The following SCAF8 variants were observed in gnomAD, a reference collection of about 807,000 sequenced individuals.
SCAF8 encodes SR-related CTD associated factor 8.
In SCAF8, 23 loss-of-function variants were observed where a neutral mutation model predicts 140.5. That is an observed-to-expected ratio of 0.16 (90% confidence interval 0.12 to 0.23). The LOEUF is 0.23. SCAF8 is among the 10% of genes least tolerant of loss of function. The pLI is 1.00. For missense variants in SCAF8, 1,397 were observed against 1,555.7 expected, an observed-to-expected ratio of 0.90 and a Z score of 1.72; for synonymous variants, 575 against 528.9, an observed-to-expected ratio of 1.09 and a Z score of -1.20.
intron 9 of SCAF8, among the ~76,000 whole-genome samples, chr6:154,807,268 C>T (rs1456778906): frequency 6.6e-6 from 1 of 152,114 alleles, no homozygotes; most frequent in East Asian, 1.9e-4. Flanking sequence ...GTTAATTACT[C>T]TATATATCAG....
chr6:154,823,265 G>T (rs1246503688), intron 16 of SCAF8, among the ~76,000 whole-genome samples: 8 of 152,158 alleles, frequency 5.3e-5, no homozygotes, highest in Non-Finnish European at 1.5e-5. Flanking sequence ...AGTCATTGGA[G>T]GATTTTGAGC....
At chr6:154,739,734 A>C (rs968000383) in intron 1 of SCAF8, among the ~76,000 whole-genome samples, 1 of 152,032 alleles carries the variant, frequency 6.6e-6, no homozygotes, top group Non-Finnish European at 1.5e-5. Flanking sequence ...TATCCACTAC[A>C]TTTTTCTGTT....
chr6:154,774,102 C>CAA lies in SCAF8; in HGVS notation c.114+33_114+34dup, dbSNP rs772793220. ...GTAATAAATTTTACTCTTCTATTTT[C>CAA]AAAAGAAAAAACTATATTAATAGTT... On this transcript the variant is annotated intron_variant, in intron 2 of 19. Transcript: ENST00000367178. 4 of 1,396,152 alleles carry CAA rather than the reference C, an allele frequency of 2.9e-6. No homozygotes were observed. The East Asian group carries it at 9.1e-5, about 32-fold the overall frequency. The allele number at this position is 1,396,152 out of a possible 1,614,324, so 86.5% of individuals were successfully genotyped here. A position where few individuals can be genotyped will look rare whatever the true frequency, so the allele number is the denominator to read the frequency against.
intron 1 of SCAF8, among the ~76,000 whole-genome samples, chr6:154,744,436 G>A (rs183829097): frequency 2.6e-5 from 4 of 152,312 alleles, no homozygotes; most frequent in Non-Finnish European, 5.9e-5. Flanking sequence ...TTTATAATAT[G>A]TAGTGTTTTA....
At position 154,833,117 on chromosome 6, in the gene SCAF8, C is replaced by T. The variant is rs1356971295; in HGVS notation, c.3538C>T (p.Arg1180Ter). 1.2e-6 allele frequency: 2 copies of T among 1,613,850 alleles called. No homozygotes were observed. The highest frequency in any genetic ancestry group is 1.7e-6 in the Non-Finnish European group (2 of 1,179,980). Residue 1180 changes from arginine (R) to a stop codon, truncating the protein, a stop_gained, in exon 20 of 20, where the codon CGA becomes TGA. Transcript: ENST00000367178. LOFTEE classifies it high-confidence loss of function. ...AGAAATGAATGGAAATCGTCTTGGA[C>T]GAGACAGAATTCAAAACACTTGGGT... ...CREMNGNRLG[R>*]DRIQNTWVPP...
intron 1 of SCAF8, among the ~76,000 whole-genome samples, chr6:154,771,280 C>G (rs1776759983): frequency 6.6e-6 from 1 of 152,158 alleles, no homozygotes; most frequent in Non-Finnish European, 1.5e-5. Context: ...GGAAGCCTTT[C>G]CTCATTAGGT....
At chr6:154,747,607 C>T (rs1367424469) in intron 1 of SCAF8, among the ~76,000 whole-genome samples, 5 of 152,126 alleles carry the variant, frequency 3.3e-5, no homozygotes, top group Admixed American at 2.0e-4. Flanking sequence ...CTGGGCTCAG[C>T]AGTAAACTTA....
In SCAF8 at chr6:154,832,574, A is replaced by G. The variant is rs1357796188; in HGVS notation, c.2995A>G (p.Lys999Glu). ...QSVDNVTNPEKRIPLGNDNIQ... is the reference protein window; with the variant it reads ...QSVDNVTNPEERIPLGNDNIQ... ...CGTAGACAATGTTACTAACCCAGAA[A>G]AAAGGATACCACTTGGGAATGATAA... The change falls in exon 20 of 20, where the codon AAA (lysine) becomes GAA (glutamate). Residue 999 changes from lysine to glutamate, a missense_variant. Coordinates refer to ENST00000367178, the MANE Select transcript of SCAF8 (RefSeq NM_014892.5). 7 of 1,614,158 alleles carry G rather than the reference A, an allele frequency of 4.3e-6. No homozygotes were observed. The South Asian group carries it at 6.6e-5, about 15-fold the overall frequency.
At chr6:154,765,855 C>G (rs761224002) in intron 1 of SCAF8, among the ~76,000 whole-genome samples, 7 of 152,030 alleles carry the variant, frequency 4.6e-5, no homozygotes, top group African/African-American at 9.7e-5. Flanking sequence ...TTTAGAGACT[C>G]TAGAGAAATA....
rs776331941 is a variant in SCAF8, at chr6:154,832,500, A to C, written c.2921A>C (p.Asp974Ala). The change falls in exon 20 of 20, where the codon GAT becomes GCT. Residue 974 changes from aspartate (D) to alanine (A), a missense_variant. Physicochemically the swap from Asp to Ala is moderately radical, Grantham distance 126. Transcript: ENST00000367178. ...PPPRGPFPPG[D>A]IFSQPERPFL... ...CCCCGTGGACCTTTTCCTCCAGGAG[A>C]TATTTTTAGTCAACCAGAAAGACCT... The C allele has an allele frequency of 6.2e-7, 1 of 1,613,786 alleles. No homozygotes were observed. Among genetic ancestry groups the C allele is most frequent in the South Asian group, 1.1e-5 (1 of 91,028 alleles).
At chr6:154,785,111 T>C (rs1322140083) in intron 3 of SCAF8, among the ~76,000 whole-genome samples, 2 of 152,260 alleles carry the variant, frequency 1.3e-5, no homozygotes, top group Non-Finnish European at 2.9e-5. Context: ...ATGGTATGTA[T>C]TCTTTTTATA....
chr6:154,807,205 A>C (rs1419206621), intron 9 of SCAF8, among the ~76,000 whole-genome samples: 1 of 152,202 alleles, frequency 6.6e-6, no homozygotes, highest in South Asian at 2.1e-4. Context: ...CTTGAGAGAG[A>C]GCGAGTCTGT....
In SCAF8 at chr6:154,751,269, C is replaced by T. The variant is rs185666188; in HGVS notation, c.30+17339C>T. Among the ~76,000 whole-genome samples the T allele has an allele frequency of 2.0e-3, 296 of 151,416 alleles. 1 individual carries two copies. Among genetic ancestry groups the T allele is most frequent in the African/African-American group, 6.7e-3 (276 of 41,220 alleles). ...TTGAGACGGAGTTTTGCTCTTGTTGCCCAGGCTGGAGTGCAATGGTGTGAT... is the reference window on the plus strand; with the variant it reads ...TTGAGACGGAGTTTTGCTCTTGTTGTCCAGGCTGGAGTGCAATGGTGTGAT... On this transcript the variant is annotated intron_variant, in intron 1 of 19. Transcript: ENST00000367178.
intron 13 of SCAF8, among the ~76,000 whole-genome samples, chr6:154,817,251 C>G (rs71573699): frequency 0.025 from 3,841 of 152,266 alleles, 67 homozygotes; most frequent in Middle Eastern, 0.058. Context: ...GTGGTTCTGA[C>G]GCACAGCAGG....
At chr6:154,796,387 C>G (rs60469289) in intron 6 of SCAF8, among the ~76,000 whole-genome samples, 1 of 143,448 alleles carries the variant, frequency 7.0e-6, no homozygotes, top group Admixed American at 6.9e-5. Flanking sequence ...CTCTCTCTCT[C>G]TCTCTGTCTC....
chr6:154,785,839 G>A (rs1777234929), intron 3 of SCAF8, among the ~76,000 whole-genome samples: 1 of 151,944 alleles, frequency 6.6e-6, no homozygotes, highest in African/African-American at 2.4e-5. Context: ...CTCCCTATTC[G>A]TTCTTACCTT....
chr6:154,817,944 A>G (rs1403282435), intron 13 of SCAF8, among the ~76,000 whole-genome samples: 2 of 152,168 alleles, frequency 1.3e-5, no homozygotes, highest in African/African-American at 4.8e-5. Context: ...AACAAAATAA[A>G]GTTTTATAAG....
chr6:154,797,510 C>G (rs935242748), intron 6 of SCAF8, among the ~76,000 whole-genome samples: 4 of 151,408 alleles, frequency 2.6e-5, no homozygotes, highest in Non-Finnish European at 5.9e-5. Flanking sequence ...ATTCTCCTGC[C>G]TCAGCCTCCC....
chr6:154,829,664 T>G (rs1315985669), intron 18 of SCAF8, among the ~76,000 whole-genome samples: 1 of 152,184 alleles, frequency 6.6e-6, no homozygotes, highest in African/African-American at 2.4e-5. Context: ...CTCAGTACTT[T>G]GGGAGGCTGA....
Sources: allele counts gnomAD v4.1 joint callset (sites outside exome capture counted in the v4.1 genomes callset), GRCh38; gene constraint gnomAD v4.1.1; transcripts MANE v1.5; gene names NCBI Gene and HGNC (gene_info 2026-07-23, HGNC 2026-07-21).